GPAM: variants seen among roughly 807,000 people sequenced by gnomAD.
The protein encoded by GPAM is glycerol-3-phosphate acyltransferase 1, mitochondrial.
In GPAM, 56 loss-of-function variants were observed where a neutral mutation model predicts 105.0. The observed-to-expected ratio is 0.53, with a 90% CI of 0.43 to 0.67. GPAM has a LOEUF of 0.67. GPAM is among the 30% of genes least tolerant of loss of function. The probability of loss-of-function intolerance (pLI) is 0.00; values close to 1 mark genes in which losing one functional copy is unlikely to be tolerated. For missense variants in GPAM, 855 were observed against 989.8 expected, an observed-to-expected ratio of 0.86 and a Z score of 1.83; for synonymous variants, 368 against 354.4, an observed-to-expected ratio of 1.04 and a Z score of -0.43.
At chr10:112,206,677 G>A (rs1333583131) in intron 1 of GPAM, among the ~76,000 whole-genome samples, 2 of 115,408 alleles carry the variant, frequency 1.7e-5, no homozygotes, top group African/African-American at 6.6e-5. Context: ...GGTGGGGTCG[G>A]GGGAGGGGGG....
chr10:112,180,457 G>A lies in GPAM; in HGVS notation c.225+16C>T. The A allele has an allele frequency of 6.2e-7, 1 of 1,612,392 alleles. No homozygotes were observed. The highest frequency in any genetic ancestry group is 8.5e-7 in the Non-Finnish European group (1 of 1,178,484). On this transcript the variant is annotated intron_variant, in intron 4 of 21. Transcript: ENST00000348367. Reference sequence around the variant, plus strand: ...TTATGCTGAGTATTAGGGTCAATAAGCAGTAAGGTTCTTACCCAGCTCTGG... The same window carrying A: ...TTATGCTGAGTATTAGGGTCAATAAACAGTAAGGTTCTTACCCAGCTCTGG...
At chr10:112,153,760 A>G in intron 21 of GPAM, 94 bp from the exon 22 acceptor site, 1 of 1,369,130 alleles carries the variant, frequency 7.3e-7, no homozygotes. Flanking sequence ...TAGACCTCAG[A>G]AGGCAGTAAA....
chr10:112,211,302 C>T (rs775670588), intron 1 of GPAM, among the ~76,000 whole-genome samples: 1 of 152,162 alleles, frequency 6.6e-6, no homozygotes, highest in East Asian at 1.9e-4. Context: ...CAGAGGCCCT[C>T]GTTTCACCTG....
chr10:112,214,343 A>G (rs928424202), intron 1 of GPAM: 3 of 152,234 alleles, frequency 2.0e-5, no homozygotes, highest in Non-Finnish European at 2.9e-5. Context: ...TTTCCACTCA[A>G]TACTAAAACA....
In GPAM at chr10:112,152,336, A is replaced by C; in HGVS notation, c.*1214T>G. ...CAAAAGGCACCTACCAATTATGAAC[A>C]GACCATTTTTCATAATTATTTACCA... On this transcript the variant is annotated 3_prime_UTR_variant, in exon 22 of 22. Coordinates refer to ENST00000348367, the MANE Select transcript of GPAM (RefSeq NM_001244949.2). 4 of 984,968 alleles carry C rather than the reference A, an allele frequency of 4.1e-6. No homozygotes were observed. The highest frequency in any genetic ancestry group is 4.8e-6 in the Non-Finnish European group (4 of 829,482). 61.0% of individuals were successfully genotyped at this position (984,968 alleles called of 1,614,324 possible).
upstream of GPAM, among the ~76,000 whole-genome samples, chr10:112,186,077 A>C (rs1328109430): frequency 1.3e-5 from 2 of 152,066 alleles, no homozygotes; most frequent in Non-Finnish European, 2.9e-5. Flanking sequence ...ATACCAAGAA[A>C]CATCACAATC....
In GPAM at chr10:112,161,802, A is replaced by G. The variant is rs1034758502; in HGVS notation, c.1424-65T>C. 3 of 1,193,152 alleles carry G rather than the reference A, an allele frequency of 2.5e-6. No homozygotes were observed. In the Admixed American group the frequency reaches 5.2e-5, roughly 21 times the overall value. The allele number at this position is 1,193,152 out of a possible 1,614,324, so 73.9% of individuals were successfully genotyped here. On this transcript the variant is annotated intron_variant, in intron 14 of 21. Coordinates refer to ENST00000348367, the MANE Select transcript of GPAM (RefSeq NM_001244949.2). The stretch of plus-strand genomic sequence containing the variant: ...TACAAACATAGCTGAACTTTTTTGA[A>G]ATACCTAAATTTTAAACAGGAGTAT...
intron 14 of GPAM, among the ~76,000 whole-genome samples, chr10:112,163,446 TTAA>T (rs3052612): frequency 0.55 from 83,353 of 151,660 alleles, 23,110 homozygotes; most frequent in South Asian, 0.62. Flanking sequence ...ACAAATCATT[TTAA>T]TAATAACTAT....
At chr10:112,209,262 G>A (rs1357643245) in intron 1 of GPAM, among the ~76,000 whole-genome samples, 2 of 152,126 alleles carry the variant, frequency 1.3e-5, no homozygotes, top group Non-Finnish European at 2.9e-5. Flanking sequence ...AGGCACGGAA[G>A]GAGTGATGGC....
intron 17 of GPAM, among the ~76,000 whole-genome samples, chr10:112,159,427 G>A (rs1847082547): frequency 6.6e-6 from 1 of 151,738 alleles, no homozygotes; most frequent in Non-Finnish European, 1.5e-5. Context: ...GTTTCTCCAC[G>A]TTAGCCAGGA....
At chr10:112,176,603 T>A (rs768222560) in intron 5 of GPAM, among the ~76,000 whole-genome samples, 20 of 152,318 alleles carry the variant, frequency 1.3e-4, no homozygotes, top group Non-Finnish European at 2.4e-4. Context: ...CCTTCCTTTG[T>A]CTAAATCTTC....
intron 1 of GPAM, among the ~76,000 whole-genome samples, chr10:112,191,353 C>G (rs1564687335): frequency 6.6e-6 from 1 of 152,114 alleles, no homozygotes; most frequent in Non-Finnish European, 1.5e-5. Flanking sequence ...GTTCAACTCC[C>G]CAGGAAGAAA....
chr10:112,153,890 T>C (rs1482927597), intron 21 of GPAM: 10 of 474,630 alleles, frequency 2.1e-5, no homozygotes, highest in South Asian at 1.8e-4. Context: ...TTTGTTTTGA[T>C]GGAGTTCAAC....
chr10:112,153,124 C>A lies in GPAM; in HGVS notation c.*426G>T, dbSNP rs892330624. The A allele has an allele frequency of 2.4e-5, 25 of 1,021,130 alleles. No homozygotes were observed. The highest frequency in any genetic ancestry group is 8.6e-5 in the African/African-American group (5 of 58,212). The allele number at this position is 1,021,130 out of a possible 1,614,324, so 63.3% of individuals were successfully genotyped here. On this transcript the variant is annotated 3_prime_UTR_variant, in exon 22 of 22. Transcript: ENST00000348367. Reference sequence around the variant, plus strand: ...CAATTATTTTTAAAGGAAGCATTAACCACTAACCAGATAATATACCAACAA... The same window carrying A: ...CAATTATTTTTAAAGGAAGCATTAAACACTAACCAGATAATATACCAACAA...
intron 1 of GPAM, among the ~76,000 whole-genome samples, chr10:112,204,245 TTC>T (rs1847833664): frequency 6.8e-6 from 1 of 147,098 alleles, no homozygotes; most frequent in Non-Finnish European, 1.5e-5. Context: ...ACAGAATTTT[TTC>T]TTTGTTCTTT....
intron 1 of GPAM, among the ~76,000 whole-genome samples, chr10:112,208,202 T>C (rs1439059691): frequency 1.3e-5 from 2 of 152,188 alleles, no homozygotes; most frequent in Non-Finnish European, 2.9e-5. Context: ...TCGGCTACCA[T>C]AAATCAACGT....
chr10:112,159,877 A>G, intron 17 of GPAM, 34 bp downstream of exon 17: 1 of 1,608,986 alleles, frequency 6.2e-7, no homozygotes, highest in Non-Finnish European at 8.5e-7. Flanking sequence ...GCTCAAGAAA[A>G]GAGACCAGGC....
the GPAM span, among the ~76,000 whole-genome samples, chr10:112,220,791 T>C: frequency 6.6e-6 from 1 of 151,982 alleles, no homozygotes; most frequent in African/African-American, 2.4e-5. Context: ...GTGCATGTCA[T>C]GACCAAACTA....
intron 1 of GPAM, among the ~76,000 whole-genome samples, chr10:112,201,456 C>T (rs949753127): frequency 4.6e-5 from 7 of 152,300 alleles, no homozygotes; most frequent in Non-Finnish European, 8.8e-5. Flanking sequence ...ACCTCTCCTC[C>T]CTGGTCCTCT....
Sources: allele counts gnomAD v4.1 joint callset (sites outside exome capture counted in the v4.1 genomes callset), GRCh38; gene constraint gnomAD v4.1.1; transcripts MANE v1.5; gene names NCBI Gene and HGNC (gene_info 2026-07-23, HGNC 2026-07-21).